MYH10: variants seen among roughly 807,000 people sequenced by gnomAD.
MYH10 encodes the protein myosin heavy chain 10, also known as myosin-10.
A neutral mutation model predicts 257.8 loss-of-function variants in MYH10; 55 were observed. The observed-to-expected ratio is 0.21, with a 90% CI of 0.17 to 0.27. The LOEUF is 0.27. MYH10 is among the 10% of genes least tolerant of loss of function. The pLI is 1.00. For synonymous variants in MYH10, 854 were observed against 921.7 expected, an observed-to-expected ratio of 0.93 and a Z score of 1.33; for missense variants, 1,631 against 2,500.6, an observed-to-expected ratio of 0.65 and a Z score of 7.42.
At chr17:8,513,446 C>A in intron 23 of MYH10, 92 bp downstream of exon 23, 1 of 1,541,112 alleles carries the variant, frequency 6.5e-7, no homozygotes, top group South Asian at 1.3e-5. Flanking sequence ...GTGGGTACAG[C>A]TATTCATAAT....
chr17:8,487,919 A>G (rs1915146103), intron 35 of MYH10, among the ~76,000 whole-genome samples: 1 of 152,186 alleles, frequency 6.6e-6, no homozygotes, highest in South Asian at 2.1e-4. Flanking sequence ...ACCATGTAAT[A>G]AAGGCTGGGG....
chr17:8,493,013 G>A lies in MYH10; in HGVS notation c.4221C>T (p.Thr1407=), dbSNP rs750809637. The part of the protein sequence containing the change: ...VLALQSQLAD[T]KKKVDDDLGT... ...CCAGGTCGTCATCTACTTTCTTCTT[G>A]GTATCAGCCAACTAGGTTTTGTGTA... Residue 1407 remains threonine (T), a synonymous_variant, in exon 33 of 43, where the codon ACC becomes ACT. Coordinates refer to ENST00000360416, the MANE Select transcript of MYH10 (RefSeq NM_001256012.3). 10 of 1,612,966 alleles carry A rather than the reference G, an allele frequency of 6.2e-6. No individual in the cohort carries two copies. The highest frequency in any genetic ancestry group is 4.0e-5 in the African/African-American group (3 of 74,704).
chr17:8,609,747 T>G (rs906079362), intron 2 of MYH10, among the ~76,000 whole-genome samples: 1 of 152,076 alleles, frequency 6.6e-6, no homozygotes, highest in African/African-American at 2.4e-5. Context: ...GAGAGCATCC[T>G]TCTTAAAGAA....
intron 4 of MYH10, among the ~76,000 whole-genome samples, chr17:8,585,553 C>T (rs1482719017): frequency 1.3e-5 from 2 of 151,934 alleles, no homozygotes; most frequent in East Asian, 3.9e-4. Context: ...TTTCCTAAAT[C>T]TAAGATACAT....
In MYH10 at chr17:8,607,142, A is replaced by G. The variant is rs1433127400; in HGVS notation, c.346-2160T>C. Among the ~76,000 whole-genome samples the G allele has an allele frequency of 2.6e-5, 4 of 152,226 alleles. No individual in the cohort carries two copies. In the East Asian group the frequency reaches 7.7e-4, roughly 29 times the overall value. On this transcript the variant is annotated intron_variant, in intron 2 of 42. Coordinates refer to ENST00000360416, the MANE Select transcript of MYH10 (RefSeq NM_001256012.3). Reference sequence around the variant, plus strand: ...AACAAATCGCAACCATACATTGATGAATTTTTGTACAACCACCCTCACTTT... The same window carrying G: ...AACAAATCGCAACCATACATTGATGGATTTTTGTACAACCACCCTCACTTT...
rs1266462864 is a variant in MYH10, at chr17:8,477,354, G to A, written c.5707-306C>T. Among the ~76,000 whole-genome samples, 1 of 152,110 alleles carries A rather than the reference G, an allele frequency of 6.6e-6. No homozygotes were observed. The highest frequency in any genetic ancestry group is 1.9e-4 in the East Asian group (1 of 5,192). The stretch of plus-strand genomic sequence containing the variant: ...TACTGTCTTCACACACGTGACCTAG[G>A]GGACTGAAAGGGAATTGCTATTCTT... On this transcript the variant is annotated intron_variant, in intron 41 of 42. Transcript: ENST00000360416. The surrounding 1 kb of genome is among the most constrained non-coding windows in gnomAD (Gnocchi z 4.2).
In MYH10 at chr17:8,592,959, A is replaced by ATATG. The variant is rs1567953148; in HGVS notation, c.503-3852_503-3851insCATA. Among the ~76,000 whole-genome samples the ATATG allele has an allele frequency of 1.5e-3, 184 of 121,380 alleles. 11 individuals carry two copies. The highest frequency in any genetic ancestry group is 5.0e-3 in the African/African-American group (179 of 35,784). The allele number at this position is 121,380 out of a possible 152,430, so 79.6% of individuals were successfully genotyped here. A position where few individuals can be genotyped will look rare whatever the true frequency, so the allele number is the denominator to read the frequency against. On this transcript the variant is annotated intron_variant, in intron 3 of 42. Transcript: ENST00000360416. Reference sequence around the variant, plus strand: ...TATATATATATATATATATATATATATATATATATATAAAAGATGATGCAC... The same window carrying ATATG: ...TATATATATATATATATATATATATATATGTATATATATATAAAAGATGATGCAC...
intron 6 of MYH10, among the ~76,000 whole-genome samples, chr17:8,570,277 T>C (rs1374765534): frequency 2.6e-5 from 4 of 152,250 alleles, no homozygotes; most frequent in African/African-American, 9.6e-5. Flanking sequence ...GAGTTTCATA[T>C]ACTATCTCTA....
chr17:8,618,327 C>A (rs561729865), intron 2 of MYH10, among the ~76,000 whole-genome samples: 3 of 151,422 alleles, frequency 2.0e-5, no homozygotes, highest in African/African-American at 7.3e-5. Flanking sequence ...CAGCTCACTG[C>A]AACCTCTGTC....
chr17:8,534,873 T>G (rs1480546285), intron 16 of MYH10, among the ~76,000 whole-genome samples: 2 of 152,198 alleles, frequency 1.3e-5, no homozygotes. Flanking sequence ...TCACCAAAAT[T>G]CTTCAACTGA....
chr17:8,604,747 G>T, intron 3 of MYH10, 79 bp downstream of exon 3: 1 of 1,029,770 alleles, frequency 9.7e-7, no homozygotes, highest in African/African-American at 1.7e-5. Flanking sequence ...AACTTTTGTA[G>T]AATACATTGA....
chr17:8,546,257 C>G (rs1438661974), intron 12 of MYH10, among the ~76,000 whole-genome samples: 1 of 151,972 alleles, frequency 6.6e-6, no homozygotes, highest in Non-Finnish European at 1.5e-5. Flanking sequence ...TGGGGTTTCA[C>G]CATACTGGTC....
At chr17:8,512,363 TAAGA>T (rs1222250506) in intron 24 of MYH10, 84 bp downstream of exon 24, 8 of 1,107,418 alleles carry the variant, frequency 7.2e-6, no homozygotes, top group Non-Finnish European at 1.0e-5. Flanking sequence ...TCTGTGGACT[TAAGA>T]ATCCAAACAC....
chr17:8,550,944 A>G (rs2082619751), intron 9 of MYH10, among the ~76,000 whole-genome samples: 2 of 151,758 alleles, frequency 1.3e-5, no homozygotes, highest in African/African-American at 4.8e-5. Context: ...TGAAGGCAGC[A>G]TGCTCCTTAA....
rs2082529868 is a variant in MYH10 at position 8,548,867 on chromosome 17, A to G, written c.920-80T>C. The G allele has an allele frequency of 3.1e-6, 4 of 1,290,910 alleles. No homozygotes were observed. The South Asian group carries it at 5.2e-5, about 17-fold the overall frequency. 80.0% of individuals were successfully genotyped at this position (1,290,910 alleles called of 1,614,324 possible). ...GCCATAACTGCATTCAAACTGTGCC[A>G]GTGTCACAGGAGAGCAGTGGTCACC... is the stretch of plus-strand genomic sequence containing the variant. On this transcript the variant is annotated intron_variant, in intron 9 of 42. Transcript: ENST00000360416.
At chr17:8,511,131 T>TAC (rs750093468) in intron 24 of MYH10, 51 of 150,986 alleles carry the variant, frequency 3.4e-4, no homozygotes, top group Non-Finnish European at 6.8e-4. Context: ...AACAAAGTGT[T>TAC]ACAGCTCTTT....
intron 3 of MYH10, among the ~76,000 whole-genome samples, chr17:8,602,740 T>C (rs1044753269): frequency 2.0e-5 from 3 of 152,264 alleles, no homozygotes; most frequent in Non-Finnish European, 2.9e-5. Context: ...CTGCCTGGTT[T>C]TGAATCCTAG....
intron 4 of MYH10, among the ~76,000 whole-genome samples, chr17:8,581,974 G>A (rs1052565560): frequency 6.6e-6 from 1 of 152,174 alleles, no homozygotes; most frequent in African/African-American, 2.4e-5. Context: ...TTTAAAATGA[G>A]ACTTCACAGG....
At chr17:8,619,251 A>G (rs2085377683) in intron 2 of MYH10, among the ~76,000 whole-genome samples, 1 of 152,002 alleles carries the variant, frequency 6.6e-6, no homozygotes. Flanking sequence ...GTGAAACTGC[A>G]TTTTTTTTAA....
Sources: gnomAD v4.1 joint callset for allele counts (sites outside exome capture counted in the v4.1 genomes callset) on GRCh38, gnomAD v4.1.1 for gene constraint, Gnocchi (gnomAD v3.1) non-coding constraint, MANE v1.5 for transcripts, NCBI Gene and HGNC (gene_info 2026-07-23, HGNC 2026-07-21) for gene names.